The following NPR1 variants were observed in gnomAD, a reference collection of about 807,000 sequenced individuals.
NPR1 encodes natriuretic peptide receptor 1, also known as atrial natriuretic peptide receptor 1.
In NPR1, 57 loss-of-function variants were observed where a neutral mutation model predicts 116.9. The ratio of observed to expected loss-of-function variants is 0.49; its 90% confidence interval spans 0.39 to 0.61. The LOEUF (loss-of-function observed/expected upper bound fraction) is 0.61, where lower values mean the gene tolerates loss of function less well. Ranked by LOEUF, NPR1 falls within the 20% of genes least tolerant of loss-of-function variation. The pLI, the probability that NPR1 is intolerant of heterozygous loss-of-function variation, is 0.00. For synonymous variants in NPR1, 555 were observed against 601.6 expected (o/e 0.92, Z 1.13); for missense variants, 1,096 against 1,409.8 (o/e 0.78, Z 3.56).
chr1:153,687,108 T>C, intron 12 of NPR1, 21 bp downstream of exon 12: 2 of 1,613,988 alleles, frequency 1.2e-6, no homozygotes, highest in Non-Finnish European at 1.7e-6. Context: ...AAGCACCTAT[T>C]GGATGTGTAG....
At position 153,689,123 on chromosome 1, in the gene NPR1, C is replaced by G. The variant is rs369475390; in HGVS notation, c.2564+24C>G. On this transcript the variant is annotated intron_variant, in intron 16 of 21. Transcript: ENST00000368680. The surrounding 1 kb of genome is among the most constrained non-coding windows in gnomAD (Gnocchi z 5.1). ...CAGTGAGTGCCTGAGTCTGGGGACC[C>G]CCCCCAACACAAAGCCCCTGTCCCG... 2.4e-5 allele frequency: 38 copies of G among 1,613,944 alleles called. No individual in the cohort carries two copies. In the African/African-American group the frequency reaches 4.5e-4, roughly 19 times the overall value.
Position 153,679,536 on chromosome 1 carries a change from C to A in NPR1, c.428C>A (p.Ala143Glu). ...RVPLLTAGAP[A>E]LGFGVKDEYA... Reference sequence around the variant, plus strand: ...CCGCTGCTGACCGCCGGCGCCCCGGCGCTGGGCTTCGGTGTCAAGGACGAG... The same window carrying A: ...CCGCTGCTGACCGCCGGCGCCCCGGAGCTGGGCTTCGGTGTCAAGGACGAG... The change falls in exon 1 of 22, where the codon GCG (alanine) becomes GAG (glutamate). Residue 143 changes from alanine (A) to glutamate (E), a missense_variant. Coordinates refer to ENST00000368680, the MANE Select transcript of NPR1 (RefSeq NM_000906.4). This position sits in a 1 kb window ranked among gnomAD's most constrained non-coding sequence, Gnocchi z 4.2. 1 of 1,539,294 alleles carries A rather than the reference C, an allele frequency of 6.5e-7. No individual in the cohort carries two copies. Among genetic ancestry groups the A allele is most frequent in the Non-Finnish European group, 8.7e-7 (1 of 1,147,434 alleles).
Position 153,689,147 on chromosome 1 carries a change from C to T in NPR1, c.2565-41C>T, listed in dbSNP as rs1265383120. On this transcript the variant is annotated intron_variant, in intron 16 of 21. Coordinates refer to ENST00000368680, the MANE Select transcript of NPR1 (RefSeq NM_000906.4). The surrounding 1 kb of genome is among the most constrained non-coding windows in gnomAD (Gnocchi z 5.1). ...CCCCCCCAACACAAAGCCCCTGTCC[C>T]GACCCCCAACTCTGATCCTGCACCT... 1.1e-5 allele frequency: 18 copies of T among 1,614,026 alleles called. No individual in the cohort carries two copies. The highest frequency in any genetic ancestry group is 2.2e-5 in the East Asian group (1 of 44,896).
intron 15 of NPR1, 110 bp downstream of exon 15, chr1:153,688,331 T>C: frequency 2.7e-6 from 3 of 1,125,540 alleles, no homozygotes; most frequent in Non-Finnish European, 3.8e-6. Context: ...ACCACTCACC[T>C]CCTCCCTGTA....
At position 153,679,267 on chromosome 1, in the gene NPR1, G is replaced by C; in HGVS notation, c.159G>C (p.Ala53=). The change falls in exon 1 of 22, where the codon GCG becomes GCC. Residue 53 remains alanine (A), a synonymous_variant. Transcript: ENST00000368680. This position sits in a 1 kb window ranked among gnomAD's most constrained non-coding sequence, Gnocchi z 4.2. ...LANTSYPWSW[A]RVGPAVELAL... is the part of the protein sequence containing the mutation. Reference sequence around the variant, plus strand: ...ATACCTCGTACCCCTGGTCGTGGGCGCGCGTGGGACCCGCCGTGGAGCTGG... The same window carrying C: ...ATACCTCGTACCCCTGGTCGTGGGCCCGCGTGGGACCCGCCGTGGAGCTGG... 1 of 1,527,970 alleles carries C rather than the reference G, an allele frequency of 6.5e-7. No individual in the cohort carries two copies. Among genetic ancestry groups the C allele is most frequent in the East Asian group, 2.5e-5 (1 of 39,538 alleles). 94.7% of individuals were successfully genotyped at this position (1,527,970 alleles called of 1,614,324 possible). A position where few individuals can be genotyped will look rare whatever the true frequency, so the allele number is the denominator to read the frequency against.
chr1:153,682,407 A>G, intron 4 of NPR1, 91 bp from the exon 5 acceptor site: 1 of 929,030 alleles, frequency 1.1e-6, no homozygotes, highest in East Asian at 2.5e-5. Flanking sequence ...TTGGAAGGCA[A>G]GGCAAAAAAG....
intron 15 of NPR1, 27 bp downstream of exon 15, chr1:153,688,248 C>G: frequency 6.2e-7 from 1 of 1,603,196 alleles, no homozygotes; most frequent in Non-Finnish European, 8.5e-7. Context: ...ATGGATCCCC[C>G]AGGCCCTTCC....
At position 153,686,205 on chromosome 1, in the gene NPR1, T is replaced by C. The variant is rs202076320; in HGVS notation, c.1758+5T>C. 134 of 1,613,536 alleles carry C rather than the reference T, an allele frequency of 8.3e-5. No homozygotes were observed. Among genetic ancestry groups the C allele is most frequent in the Middle Eastern group, 1.6e-4 (1 of 6,084 alleles). ...GTCCTGTTTGAACTGAAGCATGTAA[T>C]GTGGGGAGTGAGGCAGTGGCATGGA... On this transcript the variant is annotated splice_donor_5th_base_variant and intron_variant, in intron 10 of 21. Transcript: ENST00000368680.
rs1296727871 is a variant in NPR1 at position 153,693,514 on chromosome 1, G to T, written c.*100G>T. On this transcript the variant is annotated 3_prime_UTR_variant, in exon 22 of 22. Coordinates refer to ENST00000368680, the MANE Select transcript of NPR1 (RefSeq NM_000906.4). ...ACCCACAGCAGCCCCATCGCCAAAG[G>T]ATGGAAGTAATTTGAATAGCTCAGG... The T allele has an allele frequency of 9.2e-6, 10 of 1,088,210 alleles. No homozygotes were observed. The highest frequency in any genetic ancestry group is 1.3e-5 in the Non-Finnish European group (10 of 746,876). The allele number at this position is 1,088,210 out of a possible 1,614,324, so 67.4% of individuals were successfully genotyped here.
rs753581611 is a variant in NPR1 at position 153,685,865 on chromosome 1, G to C, written c.1665G>C (p.Lys555Asn). 1 of 1,614,058 alleles carries C rather than the reference G, an allele frequency of 6.2e-7. No homozygotes were observed. Among genetic ancestry groups the C allele is most frequent in the Admixed American group, 1.7e-5 (1 of 60,006 alleles). ...AGGGCCAGTTCCAAGTCTTTGCCAAGACAGCATATTATAAGGTGGGCCTGG... is the reference window on the plus strand; with the variant it reads ...AGGGCCAGTTCCAAGTCTTTGCCAACACAGCATATTATAAGGTGGGCCTGG... The part of the protein sequence containing the change: ...TTEGQFQVFA[K>N]TAYYKGNLVA... The change falls in exon 9 of 22, where the codon AAG becomes AAC. Residue 555 changes from lysine (K) to asparagine (N), a missense_variant. Lys to Asn is a moderately conservative substitution (Grantham distance 94). Transcript: ENST00000368680.
chr1:153,688,889 G>A (rs534429321), intron 15 of NPR1, 64 bp from the exon 16 acceptor site: 255 of 1,572,002 alleles, frequency 1.6e-4, no homozygotes, highest in Non-Finnish European at 2.0e-4. Flanking sequence ...GCCTAGGGGC[G>A]GGCGCTCACG....
chr1:153,693,471 G>T lies in NPR1; in HGVS notation c.*57G>T. 6.7e-7 allele frequency: 1 copy of T among 1,485,146 alleles called. No homozygotes were observed. Among genetic ancestry groups the T allele is most frequent in the South Asian group, 1.3e-5 (1 of 79,464 alleles). The allele number at this position is 1,485,146 out of a possible 1,614,324, so 92.0% of individuals were successfully genotyped here. A position where few individuals can be genotyped will look rare whatever the true frequency, so the allele number is the denominator to read the frequency against. On this transcript the variant is annotated 3_prime_UTR_variant, in exon 22 of 22. Coordinates refer to ENST00000368680, the MANE Select transcript of NPR1 (RefSeq NM_000906.4). ...CTACCCTGTGCCAGAAGCAACAGAG[G>T]TGCCAGGCCTCAGCCTCACCCACAG...
At position 153,689,443 on chromosome 1, in the gene NPR1, T is replaced by C. The variant is rs775521765; in HGVS notation, c.2689-10T>C. ...ACTTCCTGTCTCTCTTAGCTTCTCT[T>C]CCCTTCCAGGTGGTGACCCTGCTCA... On this transcript the variant is annotated splice_polypyrimidine_tract_variant and intron_variant, in intron 17 of 21. Coordinates refer to ENST00000368680, the MANE Select transcript of NPR1 (RefSeq NM_000906.4). The surrounding 1 kb of genome is among the most constrained non-coding windows in gnomAD (Gnocchi z 5.1). 1 of 1,614,048 alleles carries C rather than the reference T, an allele frequency of 6.2e-7. No individual in the cohort carries two copies. Among genetic ancestry groups the C allele is most frequent in the Admixed American group, 1.7e-5 (1 of 60,014 alleles).
chr1:153,685,218 TC>T, intron 8 of NPR1, 134 bp downstream of exon 8: 3 of 1,197,622 alleles, frequency 2.5e-6, no homozygotes, highest in Non-Finnish European at 3.4e-6. Flanking sequence ...CTTGAGCGAC[TC>T]ATAGTCCCTC....
intron 15 of NPR1, among the ~76,000 whole-genome samples, 154 bp downstream of exon 15, chr1:153,688,375 C>A (rs1473447327): frequency 3.3e-5 from 5 of 152,166 alleles, no homozygotes; most frequent in Non-Finnish European, 1.5e-5. Flanking sequence ...AGCCTCATGA[C>A]CCTCTTCGCA....
chr1:153,689,013 T>A lies in NPR1; in HGVS notation c.2478T>A (p.Asn826Lys). ...CCCGCATGGAGCAGTACGCGAACAA[T>A]CTGGAGGAACTGGTGGAGGAGCGGA... The part of the protein sequence containing the change: ...LLSRMEQYAN[N>K]LEELVEERTQ... The change falls in exon 16 of 22, where the codon AAT becomes AAA. Residue 826 changes from asparagine to lysine, a missense_variant. Asn to Lys is a moderately conservative substitution (Grantham distance 94, BLOSUM62 0). Coordinates refer to ENST00000368680, the MANE Select transcript of NPR1 (RefSeq NM_000906.4). This position sits in a 1 kb window ranked among gnomAD's most constrained non-coding sequence, Gnocchi z 5.1. 6.2e-7 allele frequency: 1 copy of A among 1,613,976 alleles called. No individual in the cohort carries two copies. Among genetic ancestry groups the A allele is most frequent in the East Asian group, 2.2e-5 (1 of 44,854 alleles).
At chr1:153,685,349 G>A (rs1298472131) in intron 8 of NPR1, among the ~76,000 whole-genome samples, 3 of 151,958 alleles carry the variant, frequency 2.0e-5, no homozygotes, top group Non-Finnish European at 2.9e-5. Context: ...AAATGAGGAG[G>A]AAATTTTATG....
chr1:153,681,579 A>T (rs1221711024), intron 3 of NPR1, 125 bp from the exon 4 acceptor site: 1 of 991,544 alleles, frequency 1.0e-6, no homozygotes, highest in African/African-American at 1.6e-5. Flanking sequence ...TCTCCCTGTG[A>T]TATAGGGGTG....
At chr1:153,693,001 A>C in intron 20 of NPR1, 105 bp from the exon 21 acceptor site, 2 of 875,814 alleles carry the variant, frequency 2.3e-6, no homozygotes, top group Non-Finnish European at 3.7e-6. Flanking sequence ...GAGAGAGGGT[A>C]CCTGTCCACC....
Sources: gnomAD v4.1 joint callset for allele counts (sites outside exome capture counted in the v4.1 genomes callset) on GRCh38, gnomAD v4.1.1 for gene constraint, Gnocchi (gnomAD v3.1) non-coding constraint, MANE v1.5 for transcripts, NCBI Gene and HGNC (gene_info 2026-07-23, HGNC 2026-07-21) for gene names.